The following NCAPD2 variants were observed in gnomAD, a reference collection of about 807,000 sequenced individuals.
NCAPD2 encodes the protein non-SMC condensin I complex subunit D2, also known as condensin complex subunit 1.
In NCAPD2, 100 loss-of-function variants were observed where a neutral mutation model predicts 164.5. The ratio of observed to expected loss-of-function variants is 0.61; its 90% CI spans 0.52 to 0.72. The LOEUF is 0.72. Ranked by LOEUF, NCAPD2 falls within the 30% of genes least tolerant of loss-of-function variation. The pLI is 0.00. For missense variants in NCAPD2, 1,560 were observed against 1,749.2 expected, an observed-to-expected ratio of 0.89 and a Z score of 1.93; for synonymous variants, 585 against 642.6, an observed-to-expected ratio of 0.91 and a Z score of 1.36.
intron 6 of NCAPD2, among the ~76,000 whole-genome samples, chr12:6,511,875 T>A (rs1444668600): frequency 6.6e-6 from 1 of 151,884 alleles, no homozygotes; most frequent in Non-Finnish European, 1.5e-5. Context: ...TGCCAGCTAC[T>A]TGGGAGGCTG....
At position 6,528,995 on chromosome 12, in the gene NCAPD2, CCCCGAGCTGGGG is replaced by C; in HGVS notation, c.3529_3540del (p.Pro1177_Gly1180del). 6.2e-7 allele frequency: 1 copy of C among 1,613,592 alleles called. No individual in the cohort carries two copies. The highest frequency in any genetic ancestry group is 1.1e-5 in the South Asian group (1 of 91,052). The stretch of plus-strand genomic sequence containing the variant: ...CAGATATCATCAGCCGCCTGTCAGA[CCCCGAGCTGGGG>C]GTGGAGGAAGAGCCTTTCCACACCA... On this transcript the variant is annotated inframe_deletion, in exon 27 of 32. Coordinates refer to ENST00000315579, the MANE Select transcript of NCAPD2 (RefSeq NM_014865.4). The surrounding 1 kb of genome is among the most constrained non-coding windows in gnomAD (Gnocchi z 5.1).
chr12:6,504,198 T>TATATACACATATATAC (rs1946071634), intron 2 of NCAPD2, among the ~76,000 whole-genome samples: 2 of 27,258 alleles, frequency 7.3e-5, no homozygotes, highest in African/African-American at 3.2e-4. Flanking sequence ...TATATATATA[T>TATATACACATATATAC]ATATATATAT....
chr12:6,512,199 G>A (rs1261259602), intron 6 of NCAPD2, among the ~76,000 whole-genome samples: 2 of 151,338 alleles, frequency 1.3e-5, no homozygotes, highest in African/African-American at 4.9e-5. Context: ...GTGAACCCGG[G>A]AGGTGGAGCT....
At chr12:6,524,648 CAA>C (rs35443041) in intron 17 of NCAPD2, among the ~76,000 whole-genome samples, 89 of 66,566 alleles carry the variant, frequency 1.3e-3, no homozygotes, top group African/African-American at 3.6e-3. Context: ...GACTCTGTCT[CAA>C]AAAAAAAAAA....
intron 6 of NCAPD2, among the ~76,000 whole-genome samples, chr12:6,513,662 G>A (rs1396471419): frequency 1.4e-5 from 2 of 147,640 alleles, no homozygotes; most frequent in African/African-American, 5.0e-5. Flanking sequence ...CACTTGAGAT[G>A]CAGATTGAAT....
chr12:6,517,003 T>A lies in NCAPD2; in HGVS notation c.1163T>A (p.Phe388Tyr). The A allele has an allele frequency of 6.2e-7, 1 of 1,614,100 alleles. No homozygotes were observed. The highest frequency in any genetic ancestry group is 1.6e-4 in the Middle Eastern group (1 of 6,062). Reference protein sequence around the residue: ...SFVRSRVLQLFTRIVQQKALP... With the variant: ...SFVRSRVLQLYTRIVQQKALP... ...GTGCGGAGCCGTGTTTTGCAGCTCT[T>A]CACCCGAATTGTCCAGCAGAAGGTA... The change falls in exon 10 of 32, where the codon TTC (phenylalanine) becomes TAC (tyrosine). Residue 388 changes from phenylalanine (F) to tyrosine (Y), a missense_variant. By Grantham distance (22) the Phe-to-Tyr change is conservative. Transcript: ENST00000315579.
intron 13 of NCAPD2, among the ~76,000 whole-genome samples, chr12:6,518,504 G>GTTTTTTTTTTTTGTTGTTTTTT: frequency 2.2e-5 from 1 of 44,782 alleles, no homozygotes; most frequent in South Asian, 8.3e-4. Context: ...CCGTCAACAA[G>GTTTTTTTTTTTTGTTGTTTTTT]TTTTTTTTTT....
Position 6,526,312 on chromosome 12 carries a change from C to T in NCAPD2, c.2507C>T (p.Pro836Leu), listed in dbSNP as rs73259178. 2.0e-3 allele frequency: 3,263 copies of T among 1,614,198 alleles called. 61 individuals are homozygous for T. The African/African-American group carries it at 0.037, about 18-fold the overall frequency. The change falls in exon 20 of 32, where the codon CCC becomes CTC. Residue 836 changes from proline to leucine, a missense_variant. Coordinates refer to ENST00000315579, the MANE Select transcript of NCAPD2 (RefSeq NM_014865.4). ...RKPSLGKRHP[P>L]FRLPQEHRLF... is the part of the protein sequence containing the mutation. Reference sequence around the variant, plus strand: ...CCTTCTCTGGGCAAACGTCACCCCCCCTTCCGGCTGCCTCAGGAACACAGG... The same window carrying T: ...CCTTCTCTGGGCAAACGTCACCCCCTCTTCCGGCTGCCTCAGGAACACAGG...
At chr12:6,519,792 C>T (rs1362896950) in intron 13 of NCAPD2, among the ~76,000 whole-genome samples, 1 of 151,476 alleles carries the variant, frequency 6.6e-6, no homozygotes, top group Non-Finnish European at 1.5e-5. Context: ...TGCTTGAACC[C>T]AGGAAGCAGA....
At chr12:6,499,299 C>A (rs1946012423) in intron 2 of NCAPD2, among the ~76,000 whole-genome samples, 2 of 152,026 alleles carry the variant, frequency 1.3e-5, no homozygotes, top group East Asian at 3.8e-4. Flanking sequence ...GCAACCTTCA[C>A]CTCCTGGGCT....
At chr12:6,495,360 G>A (rs1945969444) in intron 2 of NCAPD2, 135 bp downstream of exon 2, 3 of 1,123,648 alleles carry the variant, frequency 2.7e-6, no homozygotes, top group Non-Finnish European at 3.7e-6. Context: ...CTATTTTGCT[G>A]TTTTATCCTA....
intron 2 of NCAPD2, 109 bp from the exon 3 acceptor site, chr12:6,509,608 T>C: frequency 9.8e-7 from 1 of 1,023,552 alleles, no homozygotes; most frequent in East Asian, 2.4e-5. Flanking sequence ...TTGTCTCTTT[T>C]TTGTGATTCT....
At position 6,510,713 on chromosome 12, in the gene NCAPD2, C is replaced by T; in HGVS notation, c.347C>T (p.Ala116Val). The T allele has an allele frequency of 6.2e-7, 1 of 1,614,130 alleles. No individual in the cohort carries two copies. ...SGSDRNAHLNALKMNCYALIR... is the reference protein window; with the variant it reads ...SGSDRNAHLNVLKMNCYALIR... Reference sequence around the variant, plus strand: ...TCAGATAGAAACGCCCATCTAAATGCCCTCAAAATGAACTGTTATGCTCTG... The same window carrying T: ...TCAGATAGAAACGCCCATCTAAATGTCCTCAAAATGAACTGTTATGCTCTG... The change falls in exon 5 of 32, where the codon GCC becomes GTC. Residue 116 changes from alanine (A) to valine (V), a missense_variant. Physicochemically the swap from Ala to Val is moderately conservative, Grantham distance 64. Transcript: ENST00000315579.
intron 2 of NCAPD2, among the ~76,000 whole-genome samples, chr12:6,502,313 T>G (rs1946046033): frequency 1.3e-5 from 2 of 152,214 alleles, no homozygotes; most frequent in African/African-American, 4.8e-5. Context: ...TGCTTCTGTT[T>G]CCTCAATAGG....
At chr12:6,512,831 T>C (rs1946164128) in intron 6 of NCAPD2, among the ~76,000 whole-genome samples, 3 of 152,132 alleles carry the variant, frequency 2.0e-5, no homozygotes, top group Admixed American at 1.3e-4. Context: ...GGAGAAGTAG[T>C]TGGATTCTAT....
At position 6,510,134 on chromosome 12, in the gene NCAPD2, GTGTT is replaced by G. The variant is rs755501084; in HGVS notation, c.262+3_262+6del. ...GATACTCTGCAATTCCTGATAAAAG[GTGTT>G]TATGGGTCAGGGGGTAGGGGATGGA... On this transcript the variant is annotated splice_donor_variant and splice_donor_5th_base_variant and intron_variant, in intron 4 of 31. Coordinates refer to ENST00000315579, the MANE Select transcript of NCAPD2 (RefSeq NM_014865.4). LOFTEE classifies it high-confidence loss of function. 1.2e-6 allele frequency: 2 copies of G among 1,606,368 alleles called. No homozygotes were observed. Among genetic ancestry groups the G allele is most frequent in the Non-Finnish European group, 1.7e-6 (2 of 1,172,988 alleles).
In NCAPD2 at chr12:6,530,995, C is replaced by G. The variant is rs373233854; in HGVS notation, c.4039C>G (p.Arg1347Gly). Reference sequence around the variant, plus strand: ...CACACCAGAGCCCCGCCGTACTACCCGTCGGCATCCAAACACCCAGCAGCG... The same window carrying G: ...CACACCAGAGCCCCGCCGTACTACCGGTCGGCATCCAAACACCCAGCAGCG... The part of the protein sequence containing the change: ...FVTPEPRRTT[R>G]RHPNTQQRAS... Residue 1347 changes from arginine to glycine, a missense_variant, in exon 31 of 32, where the codon CGT (arginine) becomes GGT (glycine). By Grantham distance (125) the Arg-to-Gly change is moderately radical. Coordinates refer to ENST00000315579, the MANE Select transcript of NCAPD2 (RefSeq NM_014865.4). 1.2e-6 allele frequency: 2 copies of G among 1,614,198 alleles called. No homozygotes were observed. The highest frequency in any genetic ancestry group is 1.7e-6 in the Non-Finnish European group (2 of 1,180,038).
intron 2 of NCAPD2, among the ~76,000 whole-genome samples, chr12:6,509,054 A>G (rs757319892): frequency 6.6e-6 from 1 of 151,784 alleles, no homozygotes; most frequent in African/African-American, 2.4e-5. Flanking sequence ...GAAGCAGAAA[A>G]AGGACACAAA....
At chr12:6,503,142 A>T (rs1053804127) in intron 2 of NCAPD2, among the ~76,000 whole-genome samples, 12 of 151,298 alleles carry the variant, frequency 7.9e-5, no homozygotes, top group Non-Finnish European at 1.5e-4. Context: ...GGCGTGAGCC[A>T]CCACGTCTGG....
Sources: gnomAD v4.1 joint callset for allele counts (sites outside exome capture counted in the v4.1 genomes callset) on GRCh38, gnomAD v4.1.1 for gene constraint, Gnocchi (gnomAD v3.1) non-coding constraint, MANE v1.5 for transcripts, NCBI Gene and HGNC (gene_info 2026-07-23, HGNC 2026-07-21) for gene names.